The following CLASP1 variants were observed in gnomAD, a reference collection of about 807,000 sequenced individuals.
The protein encoded by CLASP1 is CLIP-associating protein 1.
In CLASP1, 38 loss-of-function variants were observed where a neutral mutation model predicts 192.3. The observed-to-expected ratio is 0.20, with a 90% CI of 0.15 to 0.26. The LOEUF (loss-of-function observed/expected upper bound fraction) is 0.26. Among genes scored for constraint, CLASP1 ranks in the 10% least tolerant of loss-of-function variants. The pLI is 1.00. For synonymous variants in CLASP1, 691 were observed against 712.8 expected, an observed-to-expected ratio of 0.97 and a Z score of 0.49; for missense variants, 1,433 against 1,932.5, an observed-to-expected ratio of 0.74 and a Z score of 4.85.
intron 8 of CLASP1, among the ~76,000 whole-genome samples, chr2:121,479,384 C>T (rs1053001727): frequency 6.6e-6 from 1 of 152,150 alleles, no homozygotes; most frequent in African/African-American, 2.4e-5. Flanking sequence ...ATATTCTATA[C>T]ATCAAATTAA....
chr2:121,354,369 A>G (rs1464393602), intron 37 of CLASP1, among the ~76,000 whole-genome samples: 1 of 152,160 alleles, frequency 6.6e-6, no homozygotes, highest in Admixed American at 6.5e-5. Context: ...TTCTTGGAAG[A>G]GCTCTGTCAG....
chr2:121,400,623 C>T (rs914898023), intron 28 of CLASP1, among the ~76,000 whole-genome samples: 7 of 152,196 alleles, frequency 4.6e-5, no homozygotes, highest in Non-Finnish European at 1.0e-4. Context: ...GATTTGCGTT[C>T]CCAAACAGCC....
intron 1 of CLASP1, among the ~76,000 whole-genome samples, chr2:121,606,886 G>A (rs1436920798): frequency 6.6e-6 from 1 of 152,158 alleles, no homozygotes; most frequent in African/African-American, 2.4e-5. Context: ...GTGAAACCCT[G>A]TCTCTACTAA....
chr2:121,521,994 C>T (rs963070866), intron 6 of CLASP1, among the ~76,000 whole-genome samples: 1 of 152,126 alleles, frequency 6.6e-6, no homozygotes, highest in African/African-American at 2.4e-5. Context: ...AAAATAAAGG[C>T]AACAGCAAAA....
chr2:121,467,057 T>C (rs964511583), intron 9 of CLASP1, among the ~76,000 whole-genome samples: 2 of 152,196 alleles, frequency 1.3e-5, no homozygotes, highest in African/African-American at 4.8e-5. Context: ...CACTTATAAG[T>C]GAGAACATGT....
chr2:121,387,471 T>C (rs1291030963), intron 31 of CLASP1, among the ~76,000 whole-genome samples: 1 of 152,044 alleles, frequency 6.6e-6, no homozygotes, highest in African/African-American at 2.4e-5. Context: ...ACAGACAAAA[T>C]TGAGCACTTG....
intron 2 of CLASP1, among the ~76,000 whole-genome samples, chr2:121,571,418 A>C (rs540375728): frequency 1.3e-4 from 20 of 152,210 alleles, no homozygotes; most frequent in Non-Finnish European, 2.8e-4. Flanking sequence ...AATATAATTA[A>C]ATTTCATAAG....
chr2:121,471,946 T>A (rs1429276647), intron 8 of CLASP1, among the ~76,000 whole-genome samples: 3 of 152,160 alleles, frequency 2.0e-5, no homozygotes, highest in Admixed American at 2.0e-4. Flanking sequence ...AAAGGAAAAG[T>A]CACCCACTGA....
At chr2:121,625,426 C>CTTTTTTTTTTTTTTTTTT (rs1559804182) in intron 1 of CLASP1, among the ~76,000 whole-genome samples, 3 of 128,280 alleles carry the variant, frequency 2.3e-5, no homozygotes, top group African/African-American at 9.8e-5. Context: ...TTCTTTCTTT[C>CTTTTTTTTTTTTTTTTTT]ATTTTTTTTT....
intron 1 of CLASP1, among the ~76,000 whole-genome samples, chr2:121,632,898 GAA>G (rs1553680682): frequency 1.2e-5 from 1 of 86,320 alleles, no homozygotes; most frequent in Non-Finnish European, 2.0e-5. Flanking sequence ...CTCCATCTCA[GAA>G]AAAAAAAAAA....
chr2:121,491,940 T>G (rs2093328162), intron 8 of CLASP1, among the ~76,000 whole-genome samples: 1 of 152,202 alleles, frequency 6.6e-6, no homozygotes, highest in Admixed American at 6.5e-5. Flanking sequence ...CCTTGATAAA[T>G]CCTTATTATT....
intron 2 of CLASP1, chr2:121,530,527 T>C (rs986245078): frequency 3.6e-6 from 2 of 554,866 alleles, no homozygotes; most frequent in African/African-American, 1.9e-5. Flanking sequence ...TAATGGAAAA[T>C]ACTCGGTGAG....
At chr2:121,506,881 T>C (rs912331914) in intron 7 of CLASP1, among the ~76,000 whole-genome samples, 4 of 152,102 alleles carry the variant, frequency 2.6e-5, no homozygotes, top group African/African-American at 9.7e-5. Context: ...ACAAAGACTT[T>C]AAGGAATTCT....
intron 7 of CLASP1, chr2:121,504,900 G>A (rs1280802511): frequency 6.6e-6 from 1 of 152,162 alleles, no homozygotes; most frequent in Non-Finnish European, 1.5e-5. Context: ...TGCCACCTCA[G>A]GACCAGATAT....
At chr2:121,452,182 G>A (rs1212512451) in intron 14 of CLASP1, among the ~76,000 whole-genome samples, 1 of 152,166 alleles carries the variant, frequency 6.6e-6, no homozygotes, top group African/African-American at 2.4e-5. Flanking sequence ...TGTTAATAGA[G>A]AATGTACACA....
In CLASP1 at chr2:121,453,913, A is replaced by C. The variant is rs542339831; in HGVS notation, c.1386-2064T>G. On this transcript the variant is annotated intron_variant, in intron 14 of 39. Coordinates refer to ENST00000263710, the Ensembl canonical transcript of CLASP1. ...CTCTTAAGCTCCCTCTCCCTTTCTG[A>C]GGGCAGAGGGCAGAGGGACTGGGCA... Among the ~76,000 whole-genome samples the C allele has an allele frequency of 2.1e-3, 321 of 152,214 alleles. 1 individual carries two copies. Among genetic ancestry groups the C allele is most frequent in the African/African-American group, 6.2e-3 (257 of 41,526 alleles).
rs775867411 is a variant in CLASP1, at chr2:121,377,546, C to G, written c.3595G>C (p.Asp1199His). 7 of 1,602,448 alleles carry G rather than the reference C, an allele frequency of 4.4e-6. No individual in the cohort carries two copies. In the South Asian group the frequency reaches 5.6e-5, roughly 13 times the overall value. The change falls in exon 34 of 40, where the codon GAT (aspartate) becomes CAT (histidine). Residue 1199 changes from aspartate (D) to histidine (H), a missense_variant. Physicochemically the swap from Asp to His is moderately conservative, Grantham distance 81. Transcript: ENST00000263710. ...TCTCGTTTAATTGGCTCATTCAGAT[C>G]TTCTTGGCTTCGAAAACTAAACTTT...
intron 13 of CLASP1, 112 bp downstream of exon 13, chr2:121,458,728 C>A: frequency 1.3e-6 from 1 of 787,204 alleles, no homozygotes; most frequent in South Asian, 3.1e-5. Context: ...TATAATTATG[C>A]TAATAAATTT....
intron 8 of CLASP1, among the ~76,000 whole-genome samples, chr2:121,490,641 T>C (rs1270433460): frequency 2.0e-5 from 3 of 152,202 alleles, no homozygotes. Flanking sequence ...AAAGCAACCT[T>C]ATTTCCACAC....
Sources: allele counts gnomAD v4.1 joint callset (sites outside exome capture counted in the v4.1 genomes callset), GRCh38; gene constraint gnomAD v4.1.1; transcripts MANE v1.5; gene names NCBI Gene and HGNC (gene_info 2026-07-23, HGNC 2026-07-21).